DIS3L2: variants seen among roughly 807,000 people sequenced by gnomAD.
DIS3L2 encodes the protein DIS3-like exonuclease 2.
DIS3L2 carries 34 observed loss-of-function variants against 97.5 expected under a neutral mutation model. The observed-to-expected ratio is 0.35, with a 90% confidence interval of 0.27 to 0.46. DIS3L2 has a LOEUF of 0.46. DIS3L2 is among the 20% of genes least tolerant of loss of function. DIS3L2 has a pLI of 1.00. For missense variants in DIS3L2, 1,038 were observed against 1,146.0 expected (o/e 0.91, Z 1.36); for synonymous variants, 435 against 445.2 (o/e 0.98, Z 0.29).
chr2:232,105,306 G>A (rs1009305366), intron 6 of DIS3L2, among the ~76,000 whole-genome samples: 4 of 152,104 alleles, frequency 2.6e-5, no homozygotes, highest in Admixed American at 6.5e-5. Context: ...TCTGTGTTTA[G>A]CTTTATGAGG....
At chr2:232,279,664 GA>G (rs1322887019) in intron 13 of DIS3L2, among the ~76,000 whole-genome samples, 1 of 152,078 alleles carries the variant, frequency 6.6e-6, no homozygotes, top group Non-Finnish European at 1.5e-5. Context: ...AAGTAGCTGG[GA>G]TTACAGACAA....
intron 10 of DIS3L2, among the ~76,000 whole-genome samples, chr2:232,212,197 A>G (rs1692209547): frequency 6.6e-6 from 1 of 152,244 alleles, no homozygotes; most frequent in African/African-American, 2.4e-5. Context: ...AGGCTTAGGC[A>G]TACCTGCTCG....
intron 10 of DIS3L2, 83 bp downstream of exon 10, chr2:232,210,488 A>C: frequency 7.7e-7 from 1 of 1,294,744 alleles, no homozygotes; most frequent in South Asian, 1.2e-5. Flanking sequence ...TGTGCTGCCT[A>C]GGCAGCATAC....
At chr2:232,074,895 A>G (rs1001216118) in intron 5 of DIS3L2, among the ~76,000 whole-genome samples, 7 of 152,190 alleles carry the variant, frequency 4.6e-5, no homozygotes, top group African/African-American at 1.4e-4. Flanking sequence ...GGAACCGTAT[A>G]GTGAAAGAAT....
At chr2:232,016,683 A>G (rs887242308) in intron 3 of DIS3L2, among the ~76,000 whole-genome samples, 2 of 152,198 alleles carry the variant, frequency 1.3e-5, no homozygotes, top group African/African-American at 4.8e-5. Flanking sequence ...TCAGGCAGGT[A>G]GTAGGCTGGG....
chr2:232,299,731 G>C (rs1412952479), intron 13 of DIS3L2, among the ~76,000 whole-genome samples: 2 of 152,246 alleles, frequency 1.3e-5, no homozygotes, highest in African/African-American at 4.8e-5. Context: ...TAGACGGTAA[G>C]ACCCATGAAA....
intron 8 of DIS3L2, among the ~76,000 whole-genome samples, chr2:232,147,673 A>C (rs1427615166): frequency 6.6e-6 from 1 of 152,254 alleles, no homozygotes; most frequent in Non-Finnish European, 1.5e-5. Context: ...AGCAGAAGAC[A>C]GAAACTACTT....
At position 232,336,528 on chromosome 2, in the gene DIS3L2, G is replaced by A. The variant is rs1575030076; in HGVS notation, c.2556G>A (p.Lys852=). 1 of 1,610,876 alleles carries A rather than the reference G, an allele frequency of 6.2e-7. No individual in the cohort carries two copies. The highest frequency in any genetic ancestry group is 1.1e-5 in the South Asian group (1 of 91,066). Residue 852 remains lysine (K), a synonymous_variant, in exon 21 of 21, where the codon AAG becomes AAA. Coordinates refer to ENST00000325385, the MANE Select transcript of DIS3L2 (RefSeq NM_152383.5). ...TGCAGGCAGAGTCCACAGCCCTCAA[G>A]TACAGCGCCATCCTGAAGCGGCCAG... ...VVLQAESTAL[K]YSAILKRPGT...
At chr2:232,321,861 C>T (rs902343736) in intron 14 of DIS3L2, among the ~76,000 whole-genome samples, 3 of 152,154 alleles carry the variant, frequency 2.0e-5, no homozygotes, top group African/African-American at 7.2e-5. Flanking sequence ...CCCAGCCAGG[C>T]GGTGGCTGCA....
At chr2:232,170,306 C>G (rs532632803) in intron 9 of DIS3L2, among the ~76,000 whole-genome samples, 1 of 152,134 alleles carries the variant, frequency 6.6e-6, no homozygotes, top group African/African-American at 2.4e-5. Context: ...CCTAAAAGCT[C>G]AATTAAAGTG....
intron 13 of DIS3L2, among the ~76,000 whole-genome samples, chr2:232,282,819 AT>A (rs1241695926): frequency 1.3e-5 from 2 of 152,066 alleles, no homozygotes; most frequent in African/African-American, 4.8e-5. Context: ...GCACTTGGCC[AT>A]TTTCCCCACT....
intron 1 of DIS3L2, 100 bp from the exon 2 acceptor site, chr2:232,014,735 G>A: frequency 3.9e-6 from 2 of 513,160 alleles, no homozygotes; most frequent in Non-Finnish European, 6.8e-6. Flanking sequence ...CCCAGGAGGG[G>A]CACCATGTTG....
intron 5 of DIS3L2, among the ~76,000 whole-genome samples, chr2:232,051,464 A>G (rs1049689440): frequency 5.3e-5 from 8 of 152,332 alleles, no homozygotes; most frequent in African/African-American, 1.9e-4. Flanking sequence ...GACCAAAAAC[A>G]CAGGATGAAT....
At chr2:232,256,048 C>T (rs2633266) in intron 12 of DIS3L2, among the ~76,000 whole-genome samples, 12,593 of 152,318 alleles carry the variant, frequency 0.083, 617 homozygotes, top group Middle Eastern at 0.15. Context: ...TGCCCCACGT[C>T]ATCTCCTCTG....
chr2:232,128,717 A>G (rs1698138919), intron 6 of DIS3L2, among the ~76,000 whole-genome samples: 1 of 152,100 alleles, frequency 6.6e-6, no homozygotes, highest in Admixed American at 6.5e-5. Flanking sequence ...GGCCTCCCAA[A>G]GCACTGGGAT....
At chr2:232,185,096 A>T (rs13401121) in intron 9 of DIS3L2, among the ~76,000 whole-genome samples, 1 of 152,206 alleles carries the variant, frequency 6.6e-6, no homozygotes, top group African/African-American at 2.4e-5. Flanking sequence ...AAGAGCAAGG[A>T]CTGGGTGTTA....
chr2:232,176,188 G>C (rs917745669), intron 9 of DIS3L2, among the ~76,000 whole-genome samples: 5 of 152,196 alleles, frequency 3.3e-5, no homozygotes, highest in African/African-American at 1.2e-4. Context: ...ACCGCACCCG[G>C]CTTCTTCCTA....
chr2:232,327,160 G>C (rs1432203911), intron 14 of DIS3L2, among the ~76,000 whole-genome samples: 1 of 152,210 alleles, frequency 6.6e-6, no homozygotes, highest in Non-Finnish European at 1.5e-5. Flanking sequence ...AGAGGGTGGG[G>C]CATGGGCACA....
intron 10 of DIS3L2, among the ~76,000 whole-genome samples, chr2:232,216,596 T>C (rs951957119): frequency 2.6e-5 from 4 of 152,054 alleles, no homozygotes; most frequent in African/African-American, 9.7e-5. Flanking sequence ...ATTTTTTTTT[T>C]CTCACCACTC....
Sources: gnomAD v4.1 joint callset for allele counts (sites outside exome capture counted in the v4.1 genomes callset) on GRCh38, gnomAD v4.1.1 for gene constraint, MANE v1.5 for transcripts, NCBI Gene and HGNC (gene_info 2026-07-23, HGNC 2026-07-21) for gene names.